Variants in KCTD8 observed in about 807,000 individuals in gnomAD.
KCTD8 encodes the protein BTB/POZ domain-containing protein KCTD8.
In KCTD8, 27 loss-of-function variants were observed where a neutral mutation model predicts 31.5. That is an observed-to-expected ratio of 0.86 (90% CI 0.63 to 1.18). KCTD8 has a LOEUF of 1.18. Among genes scored for constraint, KCTD8 ranks in the 50% most tolerant of loss-of-function variants. KCTD8 has a pLI of 0.00. For synonymous variants in KCTD8, 290 were observed against 280.0 expected, an observed-to-expected ratio of 1.04 and a Z score of -0.36; for missense variants, 658 against 647.7, an observed-to-expected ratio of 1.02 and a Z score of -0.17.
chr4:44,367,770 T>C (rs1348535408), intron 1 of KCTD8, among the ~76,000 whole-genome samples: 1 of 151,686 alleles, frequency 6.6e-6, no homozygotes, highest in African/African-American at 2.4e-5. Context: ...ATGTATAAAA[T>C]ATAGCAAATG....
At chr4:44,447,124 T>C (rs1479875165) in intron 1 of KCTD8, among the ~76,000 whole-genome samples, 1 of 152,224 alleles carries the variant, frequency 6.6e-6, no homozygotes, top group Non-Finnish European at 1.5e-5. Flanking sequence ...TATGGCATCC[T>C]GCCCTCTGCA....
chr4:44,174,712 T>C lies in KCTD8; in HGVS notation c.*78A>G. On this transcript the variant is annotated 3_prime_UTR_variant, in exon 2 of 2. Coordinates refer to ENST00000360029, the MANE Select transcript of KCTD8 (RefSeq NM_198353.3). ...AGAGCAGCAAGAATCACACTGACCATTGTTAGGACATCAGTCAGGTGGTGA... is the reference window on the plus strand; with the variant it reads ...AGAGCAGCAAGAATCACACTGACCACTGTTAGGACATCAGTCAGGTGGTGA... The C allele has an allele frequency of 2.9e-6, 3 of 1,037,314 alleles. No homozygotes were observed. Among genetic ancestry groups the C allele is most frequent in the East Asian group, 2.4e-5 (1 of 42,014 alleles). 64.3% of individuals were successfully genotyped at this position (1,037,314 alleles called of 1,614,324 possible). A position where few individuals can be genotyped will look rare whatever the true frequency, so the allele number is the denominator to read the frequency against.
rs144922333 is a variant in KCTD8, at chr4:44,448,149, G to C, written c.375C>G (p.Pro125=). 1.4e-3 allele frequency: 2,227 copies of C among 1,612,608 alleles called. 34 individuals carry two copies. In the African/African-American group the frequency reaches 0.027, roughly 19 times the overall value. ...DKQLALPEHF[P]EKERLLREAE... ...CCTCGCGCAGCAGCCGCTCCTTCTC[G>C]GGGAAGTGCTCCGGCAGCGCGAGTT... The change falls in exon 1 of 2, where the codon CCC becomes CCG. Residue 125 remains proline (P), a synonymous_variant. Coordinates refer to ENST00000360029, the MANE Select transcript of KCTD8 (RefSeq NM_198353.3). The surrounding 1 kb of genome is among the most constrained non-coding windows in gnomAD (Gnocchi z 4.1).
intron 1 of KCTD8, among the ~76,000 whole-genome samples, chr4:44,274,632 T>C (rs1716700637): frequency 2.0e-5 from 3 of 151,908 alleles, no homozygotes; most frequent in Admixed American, 6.6e-5. Flanking sequence ...AAAATTTATA[T>C]AGTCATTTCT....
chr4:44,426,972 T>C (rs1042318397), intron 1 of KCTD8, among the ~76,000 whole-genome samples: 2 of 151,702 alleles, frequency 1.3e-5, no homozygotes, highest in African/African-American at 4.8e-5. Context: ...GTAAGATTTA[T>C]CCAGATTTAT....
At chr4:44,424,279 C>T (rs905509030) in intron 1 of KCTD8, among the ~76,000 whole-genome samples, 1 of 152,046 alleles carries the variant, frequency 6.6e-6, no homozygotes, top group Non-Finnish European at 1.5e-5. Context: ...AGCAGTCTGG[C>T]CATTTAGCTG....
At chr4:44,260,751 A>G (rs1465479003) in intron 1 of KCTD8, among the ~76,000 whole-genome samples, 1 of 152,028 alleles carries the variant, frequency 6.6e-6, no homozygotes, top group East Asian at 1.9e-4. Flanking sequence ...ACAATTCATG[A>G]GAGCTATCCA....
intron 1 of KCTD8, among the ~76,000 whole-genome samples, chr4:44,181,980 C>T (rs1018583739): frequency 1.3e-5 from 2 of 151,882 alleles, no homozygotes; most frequent in African/African-American, 2.4e-5. Context: ...CGCCCGGCAG[C>T]CGCCCCATCT....
intron 1 of KCTD8, among the ~76,000 whole-genome samples, chr4:44,258,776 T>C (rs1475803563): frequency 1.3e-5 from 2 of 151,892 alleles, no homozygotes; most frequent in East Asian, 1.9e-4. Flanking sequence ...TATTAACATA[T>C]GAGTCAAGTG....
intron 1 of KCTD8, among the ~76,000 whole-genome samples, chr4:44,356,436 T>C (rs1290839389): frequency 6.6e-6 from 1 of 152,182 alleles, no homozygotes; most frequent in African/African-American, 2.4e-5. Flanking sequence ...AGGTTATTCT[T>C]AGATCAACAC....
intron 1 of KCTD8, among the ~76,000 whole-genome samples, chr4:44,428,464 C>G (rs1182325815): frequency 6.6e-6 from 1 of 151,658 alleles, no homozygotes; most frequent in Non-Finnish European, 1.5e-5. Context: ...CTTACCCACT[C>G]TGGGCTTCAT....
chr4:44,312,450 C>T (rs1041767703), intron 1 of KCTD8, among the ~76,000 whole-genome samples: 1 of 152,024 alleles, frequency 6.6e-6, no homozygotes, highest in Non-Finnish European at 1.5e-5. Context: ...TTTTTCCTTT[C>T]CATCATTTAC....
At chr4:44,289,382 G>A (rs1287890171) in intron 1 of KCTD8, among the ~76,000 whole-genome samples, 1 of 151,940 alleles carries the variant, frequency 6.6e-6, no homozygotes, top group Admixed American at 6.6e-5. Flanking sequence ...ACATATCTAG[G>A]GATAGAGCAA....
chr4:44,383,254 T>C (rs1283958322), intron 1 of KCTD8, among the ~76,000 whole-genome samples: 1 of 152,076 alleles, frequency 6.6e-6, no homozygotes, highest in African/African-American at 2.4e-5. Flanking sequence ...CAAAGCAATC[T>C]ACAGATTCAA....
At chr4:44,269,634 C>A (rs1156757567) in intron 1 of KCTD8, among the ~76,000 whole-genome samples, 1 of 152,104 alleles carries the variant, frequency 6.6e-6, no homozygotes, top group African/African-American at 2.4e-5. Flanking sequence ...TTTTCGCAAC[C>A]TACTCATCTG....
intron 1 of KCTD8, among the ~76,000 whole-genome samples, chr4:44,390,329 G>A (rs893155976): frequency 3.3e-5 from 5 of 151,864 alleles, no homozygotes; most frequent in African/African-American, 1.2e-4. Flanking sequence ...GAGAGATGAG[G>A]ATCCAGTTTC....
intron 1 of KCTD8, among the ~76,000 whole-genome samples, chr4:44,366,490 T>C (rs945843643): frequency 6.6e-6 from 1 of 152,220 alleles, no homozygotes; most frequent in Non-Finnish European, 1.5e-5. Context: ...TCTGCTATGA[T>C]TTTAAGTGTC....
intron 1 of KCTD8, among the ~76,000 whole-genome samples, chr4:44,403,334 G>A (rs998957862): frequency 1.3e-5 from 2 of 151,534 alleles, no homozygotes; most frequent in African/African-American, 2.4e-5. Flanking sequence ...CTAGAGGAAT[G>A]GCTAAATTAT....
chr4:44,398,744 C>A (rs1177297982), intron 1 of KCTD8, among the ~76,000 whole-genome samples: 1 of 152,172 alleles, frequency 6.6e-6, no homozygotes, highest in Non-Finnish European at 1.5e-5. Context: ...CTGACTCCTG[C>A]AGAATGAGCC....
Sources: gnomAD v4.1 joint callset for allele counts (sites outside exome capture counted in the v4.1 genomes callset) on GRCh38, gnomAD v4.1.1 for gene constraint, Gnocchi (gnomAD v3.1) non-coding constraint, MANE v1.5 for transcripts, NCBI Gene and HGNC (gene_info 2026-07-23, HGNC 2026-07-21) for gene names.